B3GALT1: variants seen among roughly 807,000 people sequenced by gnomAD.
The protein encoded by B3GALT1 is UDP-Gal:betaGlcNAc beta 1,3-galactosyltransferase, polypeptide 1.
In B3GALT1, 10 loss-of-function variants were observed where a neutral mutation model predicts 23.2. The observed-to-expected ratio is 0.43, with a 90% CI of 0.27 to 0.73. B3GALT1 has a LOEUF of 0.73. Among genes scored for constraint, B3GALT1 ranks in the 30% least tolerant of loss-of-function variants. The pLI is 0.21. For synonymous variants in B3GALT1, 156 were observed against 141.5 expected (o/e 1.10, Z -0.73); for missense variants, 299 against 405.4 (o/e 0.74, Z 2.25).
chr2:167,678,200 C>T (rs1321485396), intron 3 of B3GALT1, among the ~76,000 whole-genome samples: 1 of 152,202 alleles, frequency 6.6e-6, no homozygotes, highest in Non-Finnish European at 1.5e-5. Context: ...CCCCATTCCA[C>T]ACTATTCTGA....
intron 2 of B3GALT1, among the ~76,000 whole-genome samples, chr2:167,530,362 GA>G (rs1391399087): frequency 6.6e-6 from 1 of 152,082 alleles, no homozygotes; most frequent in Non-Finnish European, 1.5e-5. Flanking sequence ...TAAGTTGCAT[GA>G]AGGCATAGGC....
rs73026064 is a variant in B3GALT1, at chr2:167,573,470, C to T, written c.-409-73439C>T. ...TATCAATTAATAGCTCAACGGAAAC[C>T]TCATTCATTCCAGAATATTAAAGAA... is the stretch of plus-strand genomic sequence containing the variant. On this transcript the variant is annotated intron_variant, in intron 2 of 4. Transcript: ENST00000392690. Among the ~76,000 whole-genome samples the T allele has an allele frequency of 8.3e-3, 1,260 of 151,738 alleles. 18 individuals are homozygous for T. Among genetic ancestry groups the T allele is most frequent in the African/African-American group, 0.029 (1,203 of 41,460 alleles).
intron 1 of B3GALT1, among the ~76,000 whole-genome samples, chr2:167,449,000 G>C (rs1699047284): frequency 6.6e-6 from 1 of 152,016 alleles, no homozygotes. Context: ...GTGACTATGG[G>C]CTTATGGTAT....
chr2:167,502,899 C>T (rs1362097179), intron 2 of B3GALT1, among the ~76,000 whole-genome samples: 1 of 151,994 alleles, frequency 6.6e-6, no homozygotes, highest in African/African-American at 2.4e-5. Flanking sequence ...ATTAGCTGGG[C>T]ATGGTGGCAG....
chr2:167,610,779 T>C (rs1685049268), intron 2 of B3GALT1, among the ~76,000 whole-genome samples: 1 of 151,652 alleles, frequency 6.6e-6, no homozygotes, highest in African/African-American at 2.4e-5. Flanking sequence ...AAGAAAACCA[T>C]ATAGAATCTA....
intron 2 of B3GALT1, among the ~76,000 whole-genome samples, chr2:167,569,399 T>C (rs746764449): frequency 7.2e-5 from 11 of 151,976 alleles, no homozygotes; most frequent in Non-Finnish European, 1.6e-4. Flanking sequence ...TTTCCTCATA[T>C]GGATCTTATA....
chr2:167,844,161 G>A (rs1689707325), intron 4 of B3GALT1, among the ~76,000 whole-genome samples: 1 of 152,112 alleles, frequency 6.6e-6, no homozygotes, highest in African/African-American at 2.4e-5. Flanking sequence ...CTAAGTGGGG[G>A]AAAAGCACAT....
chr2:167,584,618 C>T (rs1684554493), intron 2 of B3GALT1, among the ~76,000 whole-genome samples: 1 of 152,136 alleles, frequency 6.6e-6, no homozygotes, highest in Non-Finnish European at 1.5e-5. Context: ...TGATGCTAAT[C>T]GCAAGCCCTA....
rs377153357 is a variant in B3GALT1, at chr2:167,415,466, T to C, written c.-510-74711T>C. On this transcript the variant is annotated intron_variant, in intron 1 of 4. Transcript: ENST00000392690. ...GTTTCAAATATTCTTTTATAAATGA[T>C]GGAAAATGAGCCAAGAAAATTGGTA... Among the ~76,000 whole-genome samples, 25 of 152,296 alleles carry C rather than the reference T, an allele frequency of 1.6e-4. No individual in the cohort carries two copies. In the East Asian group the frequency reaches 2.9e-3, roughly 18 times the overall value.
At chr2:167,846,402 C>T (rs1689761958) in intron 4 of B3GALT1, among the ~76,000 whole-genome samples, 1 of 152,178 alleles carries the variant, frequency 6.6e-6, no homozygotes, top group South Asian at 2.1e-4. Flanking sequence ...GCAGATTTCT[C>T]AGCAGAAACC....
chr2:167,676,516 T>TACACACACACAC lies in B3GALT1; in HGVS notation c.-352+29578_-352+29589dup, dbSNP rs34764364. Among the ~76,000 whole-genome samples the TACACACACACAC allele has an allele frequency of 8.2e-3, 1,194 of 145,172 alleles. 6 individuals carry two copies. The highest frequency in any genetic ancestry group is 0.012 in the Non-Finnish European group (799 of 66,368). On this transcript the variant is annotated intron_variant, in intron 3 of 4. Transcript: ENST00000392690. ...ACACATGCACACACGTGTATGTTTA[T>TACACACACACAC]ACACACACACACACACACACACACA...
chr2:167,478,951 C>T (rs989814250), intron 1 of B3GALT1, among the ~76,000 whole-genome samples: 1 of 152,026 alleles, frequency 6.6e-6, no homozygotes, highest in Non-Finnish European at 1.5e-5. Flanking sequence ...GGATTGTATG[C>T]TACTTGGGAG....
chr2:167,533,244 A>G (rs1683361264), intron 2 of B3GALT1, among the ~76,000 whole-genome samples: 1 of 152,126 alleles, frequency 6.6e-6, no homozygotes, highest in Non-Finnish European at 1.5e-5. Context: ...AATATCCACA[A>G]TAAGAATGAT....
At chr2:167,438,288 CAAG>C (rs1698818251) in intron 1 of B3GALT1, among the ~76,000 whole-genome samples, 1 of 152,120 alleles carries the variant, frequency 6.6e-6, no homozygotes, top group African/African-American at 2.4e-5. Flanking sequence ...ATTCAGAAAA[CAAG>C]AAGTTTCTCT....
intron 3 of B3GALT1, among the ~76,000 whole-genome samples, chr2:167,657,987 G>C (rs749344623): frequency 3.9e-5 from 6 of 152,066 alleles, no homozygotes; most frequent in African/African-American, 1.2e-4. Flanking sequence ...ATTAGGAAGA[G>C]ATTCATTCCC....
intron 4 of B3GALT1, among the ~76,000 whole-genome samples, chr2:167,825,873 T>C (rs887658191): frequency 2.0e-5 from 3 of 152,182 alleles, no homozygotes; most frequent in Non-Finnish European, 4.4e-5. Context: ...CACTGTGAGG[T>C]TGCCAGGTGG....
At chr2:167,771,415 C>A (rs1159260416) in intron 3 of B3GALT1, among the ~76,000 whole-genome samples, 1 of 152,026 alleles carries the variant, frequency 6.6e-6, no homozygotes. Flanking sequence ...CATGGTGAAA[C>A]CCCATCTCAA....
At chr2:167,548,908 A>G (rs1294675635) in intron 2 of B3GALT1, among the ~76,000 whole-genome samples, 2 of 152,114 alleles carry the variant, frequency 1.3e-5, no homozygotes, top group Non-Finnish European at 2.9e-5. Flanking sequence ...TCTTCTGTTC[A>G]GGAATATATT....
chr2:167,325,746 C>A (rs1239872235), intron 1 of B3GALT1, among the ~76,000 whole-genome samples: 1 of 115,194 alleles, frequency 8.7e-6, no homozygotes, highest in Non-Finnish European at 1.6e-5. Flanking sequence ...GAGATAGATT[C>A]TTGCTGTGTT....
Sources: gnomAD v4.1 joint callset for allele counts (sites outside exome capture counted in the v4.1 genomes callset) on GRCh38, gnomAD v4.1.1 for gene constraint, MANE v1.5 for transcripts, NCBI Gene and HGNC (gene_info 2026-07-23, HGNC 2026-07-21) for gene names.